FAHD2B: variants seen among roughly 807,000 people sequenced by gnomAD.
FAHD2B encodes oxaloacetate tautomerase FAHD2B, mitochondrial.
In FAHD2B, 26 loss-of-function variants were observed where a neutral mutation model predicts 33.7. The ratio of observed to expected loss-of-function variants is 0.77; its 90% CI spans 0.57 to 1.07. The LOEUF is 1.07. Ranked by LOEUF, FAHD2B falls within the 50% of genes least tolerant of loss-of-function variation. The probability of loss-of-function intolerance (pLI) is 0.00; values close to 1 mark genes in which losing one functional copy is unlikely to be tolerated. For missense variants in FAHD2B, 272 were observed against 388.1 expected, an observed-to-expected ratio of 0.70 and a Z score of 2.51; for synonymous variants, 108 against 150.9, an observed-to-expected ratio of 0.72 and a Z score of 2.08.
Position 97,089,871 on chromosome 2 carries a change from T to C in FAHD2B, c.462+238A>G, listed in dbSNP as rs2032227831. On this transcript the variant is annotated intron_variant, in intron 4 of 8. Coordinates refer to ENST00000414820, the MANE Select transcript of FAHD2B (RefSeq NM_001320848.2). ...GGCAGTGGGATTATGGGTGACGTAA[T>C]TTTTAAATGTTTATCTCTGTTTTAT... The C allele has an allele frequency of 1.8e-5, 11 of 607,398 alleles. No individual in the cohort carries two copies. The South Asian group carries it at 2.3e-4, about 13-fold the overall frequency. The allele number at this position is 607,398 out of a possible 1,614,324, so 37.6% of individuals were successfully genotyped here.
chr2:97,083,034 A>C, downstream of FAHD2B: 1 of 1,186,654 alleles, frequency 8.4e-7, no homozygotes, highest in Admixed American at 2.9e-5. Context: ...CTGAGGTCTA[A>C]GGGGCCAGAG....
intron 4 of FAHD2B, among the ~76,000 whole-genome samples, chr2:97,087,271 T>C (rs1242086931): frequency 2.0e-5 from 3 of 152,078 alleles, no homozygotes; most frequent in Non-Finnish European, 4.4e-5. Context: ...CAGGATGGTC[T>C]TGATCTCCTG....
downstream of FAHD2B, chr2:97,083,076 G>A (rs894761855): frequency 6.9e-7 from 1 of 1,449,146 alleles, no homozygotes; most frequent in Non-Finnish European, 9.2e-7. Flanking sequence ...GGACAGGCCT[G>A]GCCCCTGAGC....
downstream of FAHD2B, chr2:97,081,013 A>T: frequency 3.2e-6 from 4 of 1,267,534 alleles, no homozygotes; most frequent in Non-Finnish European, 4.1e-6. Context: ...CATGCCTGTG[A>T]TCCCAGCACT....
chr2:97,088,492 G>A (rs1025706577), intron 4 of FAHD2B, among the ~76,000 whole-genome samples: 2 of 152,134 alleles, frequency 1.3e-5, no homozygotes, highest in African/African-American at 4.8e-5. Flanking sequence ...CCTAAGATGT[G>A]ACTTGCTCCT....
At chr2:97,081,462 T>C (rs1176384647), downstream of FAHD2B, 24 of 1,579,604 alleles carry the variant, frequency 1.5e-5, no homozygotes, top group Admixed American at 2.0e-4. Flanking sequence ...CTACTGCTAC[T>C]GTCAGGAGGT....
At chr2:97,082,915 G>A (rs929677022), downstream of FAHD2B, among the ~76,000 whole-genome samples, 1 of 152,152 alleles carries the variant, frequency 6.6e-6, no homozygotes, top group Non-Finnish European at 1.5e-5. Context: ...AGCAACAGAT[G>A]TGGTGATGGG....
downstream of FAHD2B, chr2:97,081,981 A>C (rs2031660398): frequency 2.2e-6 from 3 of 1,368,580 alleles, no homozygotes; most frequent in Non-Finnish European, 2.0e-6. Flanking sequence ...TCAGAGAACA[A>C]TGGCTCCGGG....
At position 97,083,702 on chromosome 2, in the gene FAHD2B, A is replaced by G. The variant is rs2031754865; in HGVS notation, c.*53T>C. 6.2e-7 allele frequency: 1 copy of G among 1,613,694 alleles called. No individual in the cohort carries two copies. The highest frequency in any genetic ancestry group is 1.3e-5 in the African/African-American group (1 of 74,904). ...CTGCCACTGGGCCTTTCCCTGGGCT[A>G]GGCTGAGTGGGAGCAGATGCCCTCA... On this transcript the variant is annotated 3_prime_UTR_variant, in exon 9 of 9. Coordinates refer to ENST00000414820, the MANE Select transcript of FAHD2B (RefSeq NM_001320848.2).
intron 6 of FAHD2B, 85 bp from the exon 7 acceptor site, chr2:97,084,362 T>C (rs1219059830): frequency 1.3e-6 from 2 of 1,523,832 alleles, no homozygotes; most frequent in Non-Finnish European, 1.8e-6. Flanking sequence ...GTAGGGGCGC[T>C]TCGTGACTTG....
chr2:97,085,688 C>A lies in FAHD2B; in HGVS notation c.685+11G>T. On this transcript the variant is annotated intron_variant, in intron 6 of 8. Coordinates refer to ENST00000414820, the MANE Select transcript of FAHD2B (RefSeq NM_001320848.2). Reference sequence around the variant, plus strand: ...ATGGTAGGTACCAGGGGGCAGGGACCAGGGACCTACCTGCTACACTGTCCT... The same window carrying A: ...ATGGTAGGTACCAGGGGGCAGGGACAAGGGACCTACCTGCTACACTGTCCT... 1 of 1,613,666 alleles carries A rather than the reference C, an allele frequency of 6.2e-7. No individual in the cohort carries two copies. Among genetic ancestry groups the A allele is most frequent in the Non-Finnish European group, 8.5e-7 (1 of 1,179,780 alleles).
intron 3 of FAHD2B, among the ~76,000 whole-genome samples, 163 bp from the exon 4 acceptor site, chr2:97,090,488 T>TG (rs1207445074): frequency 1.3e-5 from 2 of 152,132 alleles, no homozygotes; most frequent in African/African-American, 4.8e-5. Flanking sequence ...CTATTGTCCT[T>TG]TGCTGTCAGA....
chr2:97,090,246 C>G lies in FAHD2B; in HGVS notation c.325G>C (p.Val109Leu). 6.2e-7 allele frequency: 1 copy of G among 1,612,038 alleles called. No individual in the cohort carries two copies. The highest frequency in any genetic ancestry group is 8.5e-7 in the Non-Finnish European group (1 of 1,179,218). Residue 109 changes from valine to leucine, a missense_variant, in exon 4 of 9, where the codon GTG (valine) becomes CTG (leucine). By Grantham distance (32) the Val-to-Leu change is conservative. Coordinates refer to ENST00000414820, the MANE Select transcript of FAHD2B (RefSeq NM_001320848.2). ...TCCACATAATTCATGCCCACACACACCACCTTATCTGGCCATGTGACTGGA... is the reference window on the plus strand; with the variant it reads ...TCCACATAATTCATGCCCACACACAGCACCTTATCTGGCCATGTGACTGGA... ...LAPVTWPDKV[V>L]CVGMNYVDHC...
downstream of FAHD2B, among the ~76,000 whole-genome samples, chr2:97,082,955 T>A (rs1295392650): frequency 1.3e-5 from 2 of 152,112 alleles, no homozygotes; most frequent in African/African-American, 4.8e-5. Flanking sequence ...TTCCTGCCTC[T>A]TGGTCTCCCA....
Position 97,090,130 on chromosome 2 carries a change from C to T in FAHD2B, c.441G>A (p.Val147=). 2 of 1,601,432 alleles carry T rather than the reference C, an allele frequency of 1.2e-6. No individual in the cohort carries two copies. Among genetic ancestry groups the T allele is most frequent in the East Asian group, 2.2e-5 (1 of 44,764 alleles). The change falls in exon 4 of 9, where the codon GTG becomes GTA. Residue 147 remains valine (V), a synonymous_variant. Transcript: ENST00000414820. ...ASSIVGPYDE[V]VLPPQSQEVD... Reference sequence around the variant, plus strand: ...TGACCTGGCTCTGTGGTGGGAGGACCACCTCATCATAGGGCCCCACGATGG... The same window carrying T: ...TGACCTGGCTCTGTGGTGGGAGGACTACCTCATCATAGGGCCCCACGATGG...
At chr2:97,082,780 A>G, downstream of FAHD2B, 4 of 1,442,290 alleles carry the variant, frequency 2.8e-6, no homozygotes, top group Non-Finnish European at 3.9e-6. Context: ...CAGTGTCACC[A>G]TCTTCTGTCC....
rs529376422 is a variant in FAHD2B, at chr2:97,088,903, CA to C, written c.462+1205del. Among the ~76,000 whole-genome samples, 413 of 147,730 alleles carry C rather than the reference CA, an allele frequency of 2.8e-3. 1 individual carries two copies. The highest frequency in any genetic ancestry group is 9.7e-3 in the African/African-American group (391 of 40,308). ...TGCAATGTGTCACCCCAACCCCTGC[CA>C]AAAAAAAAATGTGTGTTTGCCATGT... On this transcript the variant is annotated intron_variant, in intron 4 of 8. Coordinates refer to ENST00000414820, the MANE Select transcript of FAHD2B (RefSeq NM_001320848.2).
downstream of FAHD2B, chr2:97,082,629 A>T: frequency 6.5e-7 from 1 of 1,541,580 alleles, no homozygotes; most frequent in South Asian, 1.1e-5. Context: ...TTCTTTAAAC[A>T]AGAGGAGAGA....
downstream of FAHD2B, among the ~76,000 whole-genome samples, chr2:97,079,793 T>C (rs1319254547): frequency 1.3e-5 from 2 of 151,778 alleles, no homozygotes; most frequent in African/African-American, 4.8e-5. Context: ...GCCTCCCGAG[T>C]AGCTGGGAGT....
Sources: gnomAD v4.1 joint callset for allele counts (sites outside exome capture counted in the v4.1 genomes callset) on GRCh38, gnomAD v4.1.1 for gene constraint, MANE v1.5 for transcripts, NCBI Gene and HGNC (gene_info 2026-07-23, HGNC 2026-07-21) for gene names.